The following GDNF variants were observed in gnomAD, a reference collection of about 807,000 sequenced individuals.
GDNF encodes the protein glial cell derived neurotrophic factor.
Under a neutral mutation model 13.7 loss-of-function variants are expected in GDNF, and 5 were observed. The ratio of observed to expected loss-of-function variants is 0.36; its 90% CI spans 0.19 to 0.77. The LOEUF is 0.77. Among genes scored for constraint, GDNF ranks in the 30% least tolerant of loss-of-function variants. The pLI is 0.51. For missense variants in GDNF, 246 were observed against 274.3 expected (o/e 0.90, Z 0.73); for synonymous variants, 122 against 112.5 (o/e 1.08, Z -0.53).
chr5:37,838,563 G>C lies in GDNF; in HGVS notation c.-27+944C>G, dbSNP rs1750789186. ...GCTCTGGGATGGGTAAGCCCCCCGGGGGCGCGCACATGGGTCCTGGCGGCG... is the reference window on the plus strand; with the variant it reads ...GCTCTGGGATGGGTAAGCCCCCCGGCGGCGCGCACATGGGTCCTGGCGGCG... On this transcript the variant is annotated intron_variant, in intron 1 of 2. Transcript: ENST00000326524. The surrounding 1 kb of genome is among the most constrained non-coding windows in gnomAD (Gnocchi z 4.1). Among the ~76,000 whole-genome samples the C allele has an allele frequency of 1.3e-5, 2 of 152,220 alleles. No individual in the cohort carries two copies. The highest frequency in any genetic ancestry group is 2.4e-5 in the African/African-American group (1 of 41,460).
chr5:37,822,788 A>G (rs1383831528), intron 2 of GDNF, among the ~76,000 whole-genome samples: 1 of 152,248 alleles, frequency 6.6e-6, no homozygotes, highest in African/African-American at 2.4e-5. Context: ...AGACACACAT[A>G]TACATACTTA....
In GDNF at chr5:37,815,684, T is replaced by G. The variant is rs1205241123; in HGVS notation, c.603A>C (p.Arg201Ser). Residue 201 changes from arginine to serine, a missense_variant, in exon 3 of 3, where the codon AGA becomes AGC. Arg to Ser is a moderately radical substitution (Grantham distance 110). Transcript: ENST00000326524. The surrounding 1 kb of genome is among the most constrained non-coding windows in gnomAD (Gnocchi z 5.0). ...ATCCACACCTTTTAGCGGAATGCTTTCTTAGAATATGGTAAACCAGGTTAT... is the reference window on the plus strand; with the variant it reads ...ATCCACACCTTTTAGCGGAATGCTTGCTTAGAATATGGTAAACCAGGTTAT... ...LDDNLVYHIL[R>S]KHSAKRCGCI 1.2e-6 allele frequency: 2 copies of G among 1,613,950 alleles called. No individual in the cohort carries two copies. Among genetic ancestry groups the G allele is most frequent in the Non-Finnish European group, 8.5e-7 (1 of 1,179,812 alleles).
intron 2 of GDNF, among the ~76,000 whole-genome samples, chr5:37,822,687 C>T (rs1433869551): frequency 6.6e-6 from 1 of 152,152 alleles, no homozygotes; most frequent in African/African-American, 2.4e-5. Flanking sequence ...AATTGCTCTA[C>T]AGGCCAAGTA....
chr5:37,825,483 C>T (rs1020799957), intron 2 of GDNF, among the ~76,000 whole-genome samples: 9 of 152,256 alleles, frequency 5.9e-5, no homozygotes, highest in South Asian at 2.1e-4. Context: ...ACTCCAGAGT[C>T]GGTAATAAAC....
intron 2 of GDNF, among the ~76,000 whole-genome samples, chr5:37,827,430 C>T (rs540633213): frequency 1.1e-4 from 17 of 152,184 alleles, no homozygotes; most frequent in Admixed American, 3.3e-4. Context: ...CAGAAAAAAA[C>T]GAGGCAAAAT....
chr5:37,825,153 A>T (rs1488143451), intron 2 of GDNF, among the ~76,000 whole-genome samples: 1 of 152,184 alleles, frequency 6.6e-6, no homozygotes, highest in Non-Finnish European at 1.5e-5. Flanking sequence ...ACTATATCCT[A>T]AACTGTTATC....
rs1471967869 is a variant in GDNF at position 37,815,605 on chromosome 5, T to C, written c.*46A>G. ...TCCTGGGAACCTTGGTCCCTTTCTT[T>C]GCACTGTAGCAGGAATGCAATACAC... On this transcript the variant is annotated 3_prime_UTR_variant, in exon 3 of 3. Transcript: ENST00000326524. The surrounding 1 kb of genome is among the most constrained non-coding windows in gnomAD (Gnocchi z 5.0). 2 of 1,590,776 alleles carry C rather than the reference T, an allele frequency of 1.3e-6. No homozygotes were observed. Among genetic ancestry groups the C allele is most frequent in the African/African-American group, 1.4e-5 (1 of 74,056 alleles).
Position 37,816,005 on chromosome 5 carries a change from C to T in GDNF, c.282G>A (p.Gln94=), listed in dbSNP as rs772578037. 6.2e-7 allele frequency: 1 copy of T among 1,613,794 alleles called. No individual in the cohort carries two copies. The highest frequency in any genetic ancestry group is 8.5e-7 in the Non-Finnish European group (1 of 1,179,770). The stretch of plus-strand genomic sequence containing the variant: ...AATTCTCTGGGTTGGCAGCTGCAGC[C>T]TGCCGATTCCGCTCTCTTCTAGGAA... The part of the protein sequence containing the change: ...AVLPRRERNR[Q]AAAANPENSR... Residue 94 remains glutamine (Q), a synonymous_variant, in exon 3 of 3, where the codon CAG becomes CAA. Transcript: ENST00000326524.
At position 37,813,538 on chromosome 5, in the gene GDNF, A is replaced by G. The variant is rs562221215; in HGVS notation, c.*2113T>C. The G allele has an allele frequency of 2.2e-5, 3 of 136,124 alleles. No individual in the cohort carries two copies. The allele number at this position is 136,124 out of a possible 1,614,324, so 8.4% of individuals were successfully genotyped here. On this transcript the variant is annotated 3_prime_UTR_variant, in exon 3 of 3. Transcript: ENST00000326524. ...GGAGGAGGTGGCTGTTCCCGCCCCT[A>G]TGCTTCCTCCTGCTCCAACCTCTTT...
At position 37,815,423 on chromosome 5, in the gene GDNF, C is replaced by T. The variant is rs1749874482; in HGVS notation, c.*228G>A. 1.7e-6 allele frequency: 1 copy of T among 586,606 alleles called. No individual in the cohort carries two copies. Among genetic ancestry groups the T allele is most frequent in the African/African-American group, 1.9e-5 (1 of 53,644 alleles). The allele number at this position is 586,606 out of a possible 1,614,324, so 36.3% of individuals were successfully genotyped here. The stretch of plus-strand genomic sequence containing the variant: ...CCTGGAGAATCCAGAGGGCTGTTTT[C>T]TCTCTCTCCTGTCCAGTTGTCTGTA... On this transcript the variant is annotated 3_prime_UTR_variant, in exon 3 of 3. Transcript: ENST00000326524. The surrounding 1 kb of genome is among the most constrained non-coding windows in gnomAD (Gnocchi z 5.0).
At position 37,826,910 on chromosome 5, in the gene GDNF, G is replaced by A. The variant is rs573560449; in HGVS notation, c.151+7736C>T. 1.4e-4 allele frequency among the ~76,000 whole-genome samples: 21 copies of A among 152,280 alleles called. No homozygotes were observed. The East Asian group carries it at 1.5e-3, about 11-fold the overall frequency. ...GTCCCAGGGATAAACACCTTCAGGC[G>A]CCATACAAAGGCATTCATGCATGAA... On this transcript the variant is annotated intron_variant, in intron 2 of 2. Transcript: ENST00000326524.
chr5:37,815,491 TC>T lies in GDNF; in HGVS notation c.*159del, dbSNP rs1749878848. 1.8e-6 allele frequency: 1 copy of T among 560,158 alleles called. No homozygotes were observed. The highest frequency in any genetic ancestry group is 3.4e-5 in the East Asian group (1 of 29,280). 34.7% of individuals were successfully genotyped at this position (560,158 alleles called of 1,614,324 possible). A position where few individuals can be genotyped will look rare whatever the true frequency, so the allele number is the denominator to read the frequency against. ...CAGGCTCCCATGATGGCTGCCTTCC[TC>T]CTCCTCCTCCTCCTCCTCCTCCTCC... On this transcript the variant is annotated 3_prime_UTR_variant, in exon 3 of 3. Transcript: ENST00000326524. This position sits in a 1 kb window ranked among gnomAD's most constrained non-coding sequence, Gnocchi z 5.0.
intron 2 of GDNF, among the ~76,000 whole-genome samples, chr5:37,830,431 G>GCCAGGGGCAGCTGAC (rs1399996171): frequency 1.3e-5 from 2 of 152,178 alleles, no homozygotes; most frequent in South Asian, 2.1e-4. Flanking sequence ...CCTGGGAAGA[G>GCCAGGGGCAGCTGAC]CCAGGGGCAG....
chr5:37,836,432 C>T (rs966406390), intron 1 of GDNF, among the ~76,000 whole-genome samples: 6 of 152,180 alleles, frequency 3.9e-5, no homozygotes, highest in Non-Finnish European at 1.5e-5. Flanking sequence ...TCCTGAGCGT[C>T]TGTTTGTTCG....
intron 2 of GDNF, among the ~76,000 whole-genome samples, chr5:37,833,778 T>C (rs1232715784): frequency 6.6e-6 from 1 of 152,192 alleles, no homozygotes; most frequent in Admixed American, 6.5e-5. Flanking sequence ...GCTATCTTTG[T>C]TGACATTATG....
chr5:37,817,797 A>G (rs2111639800), intron 2 of GDNF, among the ~76,000 whole-genome samples: 1 of 152,310 alleles, frequency 6.6e-6, no homozygotes, highest in East Asian at 1.9e-4. Flanking sequence ...GGATAACCAC[A>G]GTGGCCCCTG....
At chr5:37,818,525 A>T (rs531378198) in intron 2 of GDNF, among the ~76,000 whole-genome samples, 5 of 152,076 alleles carry the variant, frequency 3.3e-5, no homozygotes, top group Admixed American at 2.0e-4. Context: ...TTTATAAATT[A>T]CCCAGTCTCA....
In GDNF at chr5:37,834,633, G is replaced by A; in HGVS notation, c.151+13C>T. The stretch of plus-strand genomic sequence containing the variant: ...CGCCGGCGGCCCCCCCGCGGGGAGG[G>A]AACGGTTCTTACAGTCACTGCTCAG... On this transcript the variant is annotated intron_variant, in intron 2 of 2. Transcript: ENST00000326524. The A allele has an allele frequency of 6.6e-7, 1 of 1,526,684 alleles. No individual in the cohort carries two copies. The highest frequency in any genetic ancestry group is 8.8e-7 in the Non-Finnish European group (1 of 1,140,942). 94.6% of individuals were successfully genotyped at this position (1,526,684 alleles called of 1,614,324 possible).
chr5:37,819,966 C>A (rs750568260), intron 2 of GDNF, among the ~76,000 whole-genome samples: 3 of 149,524 alleles, frequency 2.0e-5, no homozygotes, highest in Admixed American at 1.3e-4. Context: ...TGCCCAGTTT[C>A]AAAAAAAAAC....
Sources: gnomAD v4.1 joint callset for allele counts (sites outside exome capture counted in the v4.1 genomes callset) on GRCh38, gnomAD v4.1.1 for gene constraint, Gnocchi (gnomAD v3.1) non-coding constraint, MANE v1.5 for transcripts, NCBI Gene and HGNC (gene_info 2026-07-23, HGNC 2026-07-21) for gene names.